Variants in ZNF148 observed in about 807,000 individuals in gnomAD.
ZNF148 encodes Beta-Enolase Repressor Factor-1.
A neutral mutation model predicts 67.7 loss-of-function variants in ZNF148; 7 were observed. The ratio of observed to expected loss-of-function variants is 0.10; its 90% CI spans 0.06 to 0.19. The LOEUF is 0.19. ZNF148 is among the 10% of genes least tolerant of loss of function. ZNF148 has a pLI of 1.00. For missense variants in ZNF148, 583 were observed against 947.1 expected, an observed-to-expected ratio of 0.62 and a Z score of 5.05; for synonymous variants, 333 against 330.7, an observed-to-expected ratio of 1.01 and a Z score of -0.08.
chr3:125,294,363 A>G (rs1016554769), intron 4 of ZNF148, among the ~76,000 whole-genome samples: 2 of 152,214 alleles, frequency 1.3e-5, no homozygotes, highest in African/African-American at 2.4e-5. Context: ...GTTTAATACT[A>G]TTTCACCAAT....
intron 3 of ZNF148, among the ~76,000 whole-genome samples, chr3:125,315,352 A>C (rs756516368): frequency 2.0e-5 from 3 of 152,088 alleles, no homozygotes; most frequent in Admixed American, 6.5e-5. Flanking sequence ...CAGACAAATC[A>C]CTAAAGAAAA....
chr3:125,286,779 A>G (rs1938683826), intron 5 of ZNF148, among the ~76,000 whole-genome samples: 1 of 152,202 alleles, frequency 6.6e-6, no homozygotes, highest in African/African-American at 2.4e-5. Context: ...TTATACCTCC[A>G]TATCTATCTG....
intron 4 of ZNF148, among the ~76,000 whole-genome samples, chr3:125,294,237 C>T (rs557303499): frequency 6.6e-6 from 1 of 152,230 alleles, no homozygotes; most frequent in South Asian, 2.1e-4. Context: ...TCAACTGAAA[C>T]AGATTGGAGG....
chr3:125,364,255 T>G (rs762312218), intron 1 of ZNF148, among the ~76,000 whole-genome samples: 10 of 152,070 alleles, frequency 6.6e-5, no homozygotes, highest in African/African-American at 9.7e-5. Flanking sequence ...AAAAATTAGC[T>G]GGGCGTGGTG....
chr3:125,231,336 G>T lies in ZNF148; in HGVS notation c.*1005C>A, dbSNP rs1393960804. On this transcript the variant is annotated 3_prime_UTR_variant, in exon 9 of 9. Transcript: ENST00000360647. ...AAGTTAAAATTGTCAATTACGAGAT[G>T]ATTATGACACAACCATATCAAACCT... 6.6e-6 allele frequency: 1 copy of T among 152,320 alleles called. No homozygotes were observed. The highest frequency in any genetic ancestry group is 1.5e-5 in the Non-Finnish European group (1 of 67,946). The allele number at this position is 152,320 out of a possible 1,614,324, so 9.4% of individuals were successfully genotyped here.
intron 1 of ZNF148, among the ~76,000 whole-genome samples, chr3:125,368,166 T>C (rs1942758881): frequency 6.6e-6 from 1 of 152,228 alleles, no homozygotes; most frequent in Admixed American, 6.5e-5. Flanking sequence ...TAAAACTCAT[T>C]TGTGAACTTA....
Position 125,240,657 on chromosome 3 carries a change from C to CA in ZNF148, c.668-6329dup, listed in dbSNP as rs147326346. On this transcript the variant is annotated intron_variant, in intron 7 of 8. Transcript: ENST00000360647. ...GCACATGTCTGTGGTCCCAGCTACT[C>CA]AGAGGTGCAGGCAGCAGGATTACTT... 5.5e-3 allele frequency among the ~76,000 whole-genome samples: 837 copies of CA among 151,310 alleles called. 8 individuals are homozygous for CA. The highest frequency in any genetic ancestry group is 0.019 in the African/African-American group (791 of 41,210).
rs1935622591 is a variant in ZNF148, at chr3:125,226,123, T to C, written c.*6218A>G. 2 of 152,648 alleles carry C rather than the reference T, an allele frequency of 1.3e-5. No individual in the cohort carries two copies. Among genetic ancestry groups the C allele is most frequent in the South Asian group, 2.1e-4 (1 of 4,832 alleles). 9.5% of individuals were successfully genotyped at this position (152,648 alleles called of 1,614,324 possible). A position where few individuals can be genotyped will look rare whatever the true frequency, so the allele number is the denominator to read the frequency against. ...AACACATATTTTCTTCGCTCTATGA[T>C]AAACACGTTTCAAGTCTAAAATATT... On this transcript the variant is annotated 3_prime_UTR_variant, in exon 9 of 9. Coordinates refer to ENST00000360647, the MANE Select transcript of ZNF148 (RefSeq NM_021964.3).
rs143525972 is a variant in ZNF148 at position 125,229,472 on chromosome 3, G to A, written c.*2869C>T. The A allele has an allele frequency of 2.0e-5, 3 of 152,234 alleles. No individual in the cohort carries two copies. Among genetic ancestry groups the A allele is most frequent in the South Asian group, 2.1e-4 (1 of 4,824 alleles). 9.4% of individuals were successfully genotyped at this position (152,234 alleles called of 1,614,324 possible). ...TTGCATGTAGACCCAAAACGTTTAA[G>A]AGCCACTTAAATATTCAAGACAAAT... On this transcript the variant is annotated 3_prime_UTR_variant, in exon 9 of 9. Transcript: ENST00000360647.
intron 1 of ZNF148, among the ~76,000 whole-genome samples, chr3:125,357,437 CA>C (rs1341795502): frequency 3.9e-5 from 6 of 152,246 alleles, no homozygotes; most frequent in Admixed American, 3.9e-4. Flanking sequence ...CGGGGTTCGC[CA>C]GACGGTGGGC....
chr3:125,297,965 T>C (rs1939369879), intron 4 of ZNF148, among the ~76,000 whole-genome samples: 1 of 152,136 alleles, frequency 6.6e-6, no homozygotes, highest in East Asian at 1.9e-4. Context: ...TAAATGACTA[T>C]TAGACTAGAA....
At chr3:125,285,111 T>G (rs78332366) in intron 5 of ZNF148, among the ~76,000 whole-genome samples, 2 of 152,218 alleles carry the variant, frequency 1.3e-5, no homozygotes, top group African/African-American at 4.8e-5. Flanking sequence ...AGATCCCCAA[T>G]CTAATACTAC....
intron 4 of ZNF148, among the ~76,000 whole-genome samples, 199 bp downstream of exon 4, chr3:125,313,105 TGAAA>T (rs1423610867): frequency 6.6e-6 from 1 of 152,226 alleles, no homozygotes; most frequent in African/African-American, 2.4e-5. Flanking sequence ...ATTGTTATCC[TGAAA>T]GAAATAAGCT....
chr3:125,260,217 T>C (rs1937275622), intron 7 of ZNF148, among the ~76,000 whole-genome samples: 1 of 152,010 alleles, frequency 6.6e-6, no homozygotes, highest in Admixed American at 6.5e-5. Flanking sequence ...TATCAAAATA[T>C]GACACAGAGA....
intron 3 of ZNF148, among the ~76,000 whole-genome samples, chr3:125,314,193 TA>T (rs1553707553): frequency 6.6e-6 from 1 of 152,012 alleles, no homozygotes; most frequent in Non-Finnish European, 1.5e-5. Flanking sequence ...GTTGAAGTAT[TA>T]AAAAAAGACA....
intron 7 of ZNF148, among the ~76,000 whole-genome samples, chr3:125,261,951 A>T (rs1412019553): frequency 2.0e-5 from 3 of 152,096 alleles, no homozygotes; most frequent in Admixed American, 2.0e-4. Flanking sequence ...TTTCCACAAA[A>T]ATTTTATTAA....
rs149359309 is a variant in ZNF148, at chr3:125,341,951, G to A, written c.-233-10713C>T. Among the ~76,000 whole-genome samples, 25 of 148,358 alleles carry A rather than the reference G, an allele frequency of 1.7e-4. No individual in the cohort carries two copies. In the East Asian group the frequency reaches 4.5e-3, roughly 26 times the overall value. ...GTGGTGGCTGCAGTGAGCCAAGATC[G>A]TGCCACTAACTCCAGCCTGGGTGAC... On this transcript the variant is annotated intron_variant, in intron 1 of 8. Transcript: ENST00000360647.
At chr3:125,295,173 T>G (rs1439428832) in intron 4 of ZNF148, among the ~76,000 whole-genome samples, 1 of 152,024 alleles carries the variant, frequency 6.6e-6, no homozygotes, top group Non-Finnish European at 1.5e-5. Context: ...AAAAAAAAAT[T>G]GGCCAGGCAC....
chr3:125,374,845 G>A (rs1464250436), intron 1 of ZNF148, among the ~76,000 whole-genome samples: 1 of 151,542 alleles, frequency 6.6e-6, no homozygotes, highest in Non-Finnish European at 1.5e-5. Context: ...CTCGGAGGCC[G>A]CCTTCTCGCC....
Sources: allele counts gnomAD v4.1 joint callset (sites outside exome capture counted in the v4.1 genomes callset), GRCh38; gene constraint gnomAD v4.1.1; transcripts MANE v1.5; gene names NCBI Gene and HGNC (gene_info 2026-07-23, HGNC 2026-07-21).